LINGO1: variants seen among roughly 807,000 people sequenced by gnomAD.
The protein encoded by LINGO1 is leucine-rich repeat and immunoglobulin-like domain-containing nogo receptor-interacting protein 1.
LINGO1 carries 11 observed loss-of-function variants against 37.3 expected under a neutral mutation model. The ratio of observed to expected loss-of-function variants is 0.29; its 90% CI spans 0.19 to 0.49. LINGO1 has a LOEUF of 0.49. Among genes scored for constraint, LINGO1 ranks in the 20% least tolerant of loss-of-function variants. The pLI, the probability that LINGO1 is intolerant of heterozygous loss-of-function variation, is 0.99. For missense variants in LINGO1, 585 were observed against 878.2 expected (o/e 0.67, Z 4.22); for synonymous variants, 387 against 403.0 (o/e 0.96, Z 0.48).
At position 77,615,110 on chromosome 15, in the gene LINGO1, G is replaced by A. The variant is rs377671379; in HGVS notation, c.797C>T (p.Thr266Met). The A allele has an allele frequency of 1.9e-6, 3 of 1,614,000 alleles. No individual in the cohort carries two copies. Among genetic ancestry groups the A allele is most frequent in the Non-Finnish European group, 1.7e-6 (2 of 1,179,882 alleles). ...TPNCLYGLNL[T>M]SLSITHCNLT... ...ATTGCAGTGTGTGATGGACAGGGACGTCAGGTTGAGGCCGTAGAGGCAGTT... is the reference window on the plus strand; with the variant it reads ...ATTGCAGTGTGTGATGGACAGGGACATCAGGTTGAGGCCGTAGAGGCAGTT... The change falls in exon 2 of 2, where the codon ACG becomes ATG. Residue 266 changes from threonine (T) to methionine (M), a missense_variant. By Grantham distance (81) the Thr-to-Met change is moderately conservative (BLOSUM62 -1). Coordinates refer to ENST00000355300, the MANE Select transcript of LINGO1 (RefSeq NM_032808.7).
intron 1 of LINGO1, among the ~76,000 whole-genome samples, chr15:77,773,410 T>C (rs1010108108): frequency 6.6e-6 from 1 of 152,168 alleles, no homozygotes; most frequent in Admixed American, 6.5e-5. Context: ...GCCCCTGATG[T>C]TGGCAGAGTC....
At chr15:77,709,818 G>A (rs1169919161) in intron 2 of LINGO1, among the ~76,000 whole-genome samples, 5 of 152,202 alleles carry the variant, frequency 3.3e-5, no homozygotes, top group Admixed American at 3.3e-4. Flanking sequence ...CGGTGTACAA[G>A]GCCCTGGTAC....
intron 2 of LINGO1, among the ~76,000 whole-genome samples, chr15:77,732,396 C>T (rs2076161786): frequency 6.6e-6 from 1 of 152,246 alleles, no homozygotes; most frequent in Admixed American, 6.5e-5. Context: ...GCCTAACACC[C>T]ACCCCCGTGG....
chr15:77,780,062 A>C (rs967150434), intron 1 of LINGO1, among the ~76,000 whole-genome samples: 14 of 152,212 alleles, frequency 9.2e-5, no homozygotes, highest in Non-Finnish European at 1.3e-4. Flanking sequence ...AGCCATGCTA[A>C]GGAGGGCTTT....
At chr15:77,731,216 G>A (rs932679195) in intron 2 of LINGO1, among the ~76,000 whole-genome samples, 5 of 152,266 alleles carry the variant, frequency 3.3e-5, no homozygotes, top group African/African-American at 1.2e-4. Context: ...CAGACACCAG[G>A]CTCCAATGTA....
chr15:77,661,154 G>C lies in LINGO1; in HGVS notation c.-13+15935C>G, dbSNP rs78156331. On this transcript the variant is annotated intron_variant, in intron 3 of 3. Coordinates refer to the LINGO1 transcript ENST00000559893. The stretch of plus-strand genomic sequence containing the variant: ...TTAGCTTCATCCCTTGCCCTCAGGA[G>C]CCAGCCAGGTTGCAGGGACAGTGCC... 3.8e-3 allele frequency among the ~76,000 whole-genome samples: 580 copies of C among 152,330 alleles called. 14 individuals carry two copies. In the East Asian group the frequency reaches 0.043, roughly 11 times the overall value.
intron 1 of LINGO1, among the ~76,000 whole-genome samples, chr15:77,812,492 G>A (rs550858933): frequency 1.7e-4 from 26 of 152,314 alleles, no homozygotes; most frequent in African/African-American, 6.0e-4. Flanking sequence ...GGGTGGAGGA[G>A]GTGGGCAAAA....
chr15:77,695,275 G>A (rs528134377), intron 1 of LINGO1, among the ~76,000 whole-genome samples: 1 of 152,292 alleles, frequency 6.6e-6, no homozygotes, highest in South Asian at 2.1e-4. Flanking sequence ...AGCCCGGTGA[G>A]CAGATGGGGT....
intron 3 of LINGO1, among the ~76,000 whole-genome samples, chr15:77,640,742 GCTT>G (rs2074485019): frequency 6.6e-6 from 1 of 152,186 alleles, no homozygotes; most frequent in Non-Finnish European, 1.5e-5. Flanking sequence ...AACAGGAGAG[GCTT>G]CCTGGGGGAG....
upstream of LINGO1, chr15:77,788,022 A>T (rs1456587517): frequency 6.6e-6 from 1 of 152,146 alleles, no homozygotes; most frequent in East Asian, 1.9e-4. Flanking sequence ...CCCCGGAGCC[A>T]CACAGACCCC....
At chr15:77,761,091 TA>T (rs1280459821) in intron 1 of LINGO1, among the ~76,000 whole-genome samples, 1 of 150,886 alleles carries the variant, frequency 6.6e-6, no homozygotes, top group Non-Finnish European at 1.5e-5. Flanking sequence ...CATGCCTGGC[TA>T]ATTTTTTTTT....
chr15:77,720,954 G>T (rs576253266), intron 2 of LINGO1, among the ~76,000 whole-genome samples: 2 of 152,124 alleles, frequency 1.3e-5, no homozygotes, highest in East Asian at 1.9e-4. Context: ...CACCTTCCGG[G>T]ACTCTCCTGG....
chr15:77,724,719 C>T lies in LINGO1; in HGVS notation c.-195+10273G>A, dbSNP rs533223540. Reference sequence around the variant, plus strand: ...TGGGCTTCCATAACTAGGGAGAGGGCCACGAGCACCCAGGGCAGTAAGCAC... The same window carrying T: ...TGGGCTTCCATAACTAGGGAGAGGGTCACGAGCACCCAGGGCAGTAAGCAC... On this transcript the variant is annotated intron_variant, in intron 2 of 3. Coordinates refer to the LINGO1 transcript ENST00000561686. 6.6e-5 allele frequency among the ~76,000 whole-genome samples: 10 copies of T among 152,282 alleles called. No individual in the cohort carries two copies. In the South Asian group the frequency reaches 2.1e-3, roughly 32 times the overall value.
At chr15:77,738,223 C>T (rs1040988245) in intron 1 of LINGO1, among the ~76,000 whole-genome samples, 2 of 152,158 alleles carry the variant, frequency 1.3e-5, no homozygotes, top group South Asian at 4.2e-4. Flanking sequence ...TCCTCCCTCA[C>T]TCAGCTTCTT....
At chr15:77,738,759 GGAA>G (rs751867191) in intron 1 of LINGO1, among the ~76,000 whole-genome samples, 4,395 of 139,242 alleles carry the variant, frequency 0.032, 104 homozygotes, top group South Asian at 0.042. Context: ...AAGGAAGGAA[GGAA>G]GGAAGGAAGG....
chr15:77,795,364 T>TAA (rs1250585950), intron 2 of LINGO1, among the ~76,000 whole-genome samples: 2 of 152,118 alleles, frequency 1.3e-5, no homozygotes, highest in African/African-American at 4.8e-5. Context: ...CTCCTCGTGA[T>TAA]AAAGTCCAAG....
At chr15:77,662,384 T>C (rs1248783217) in intron 3 of LINGO1, among the ~76,000 whole-genome samples, 1 of 152,158 alleles carries the variant, frequency 6.6e-6, no homozygotes, top group East Asian at 1.9e-4. Context: ...GCTGGAGCCC[T>C]TGGGGATGAG....
chr15:77,679,601 T>G (rs80033925), intron 2 of LINGO1, among the ~76,000 whole-genome samples: 1 of 152,146 alleles, frequency 6.6e-6, no homozygotes, highest in Non-Finnish European at 1.5e-5. Flanking sequence ...AAAACTGACA[T>G]AGAGAGAGGC....
intron 1 of LINGO1, among the ~76,000 whole-genome samples, chr15:77,818,176 G>A (rs779872973): frequency 6.6e-5 from 10 of 152,204 alleles, no homozygotes; most frequent in Non-Finnish European, 7.3e-5. Context: ...TCCTAGAGGA[G>A]GAAAAACCTG....
Sources: gnomAD v4.1 joint callset for allele counts (sites outside exome capture counted in the v4.1 genomes callset) on GRCh38, gnomAD v4.1.1 for gene constraint, MANE v1.5 for transcripts, NCBI Gene and HGNC (gene_info 2026-07-23, HGNC 2026-07-21) for gene names.